The following RNASET2 variants were observed in gnomAD, a reference collection of about 807,000 sequenced individuals.
RNASET2 encodes ribonuclease T2, also known as ribonuclease 6.
A neutral mutation model predicts 33.9 loss-of-function variants in RNASET2; 28 were observed. The observed-to-expected ratio is 0.83, with a 90% CI of 0.61 to 1.13. The LOEUF (loss-of-function observed/expected upper bound fraction) is 1.13. Ranked by LOEUF, RNASET2 falls within the 50% of genes most tolerant of loss-of-function variation. The pLI, the probability that RNASET2 is intolerant of heterozygous loss-of-function variation, is 0.00. For synonymous variants in RNASET2, 123 were observed against 121.0 expected (o/e 1.02, Z -0.11); for missense variants, 330 against 319.9 (o/e 1.03, Z -0.24).
At chr6:166,942,135 C>T (rs1778707838) in intron 5 of RNASET2, among the ~76,000 whole-genome samples, 2 of 149,896 alleles carry the variant, frequency 1.3e-5, no homozygotes, top group South Asian at 4.2e-4. Context: ...TCACTGCAAC[C>T]TCCATCCCCT....
intron 2 of RNASET2, among the ~76,000 whole-genome samples, chr6:166,949,346 C>A (rs868172495): frequency 2.0e-5 from 3 of 150,060 alleles, no homozygotes; most frequent in Non-Finnish European, 3.0e-5. Context: ...ACTAAAAATA[C>A]AAAAATTAGC....
rs1778258690 is a variant in RNASET2 at position 166,923,228 on chromosome 6, C to CTTTTTTTTATTTTTTTT, written c.*6359_*6360insAAAAAAAATAAAAAAAA. ...ACAGGCGTGAGCCACCAGGCCCGGC[C>CTTTTTTTTATTTTTTTT]TTTTTTTTTTTTTTTTTTTTTGAGA... On this transcript the variant is annotated 3_prime_UTR_variant, in exon 9 of 9. Coordinates refer to ENST00000508775, the MANE Select transcript of RNASET2 (RefSeq NM_003730.6). Among the ~76,000 whole-genome samples, 6 of 102,672 alleles carry CTTTTTTTTATTTTTTTT rather than the reference C, an allele frequency of 5.8e-5. No homozygotes were observed. The highest frequency in any genetic ancestry group is 9.2e-5 in the Non-Finnish European group (5 of 54,584). The allele number at this position is 102,672 out of a possible 152,430, so 67.4% of individuals were successfully genotyped here.
chr6:166,953,879 C>CAAAAAAAAAAAAAAAAAAAA (rs548523987), intron 1 of RNASET2, among the ~76,000 whole-genome samples: 5 of 110,732 alleles, frequency 4.5e-5, no homozygotes, highest in African/African-American at 1.6e-4. Flanking sequence ...GACCCTGTCT[C>CAAAAAAAAAAAAAAAAAAAA]AAAAAAAAAA....
intron 6 of RNASET2, among the ~76,000 whole-genome samples, chr6:166,935,400 C>T (rs778348967): frequency 6.6e-6 from 1 of 152,106 alleles, no homozygotes; most frequent in Non-Finnish European, 1.5e-5. Flanking sequence ...TGTTACACGT[C>T]TATTGGGTAG....
chr6:166,932,915 AGGGGGAGTCT>A (rs1778482495), intron 7 of RNASET2: 1 of 152,120 alleles, frequency 6.6e-6, no homozygotes, highest in Non-Finnish European at 1.5e-5. Flanking sequence ...GTTGGGGTTG[AGGGGGAGTCT>A]GGAAAGGGCT....
At chr6:166,942,576 G>C (rs1369643946) in intron 5 of RNASET2, among the ~76,000 whole-genome samples, 7 of 151,850 alleles carry the variant, frequency 4.6e-5, no homozygotes, top group Non-Finnish European at 8.8e-5. Flanking sequence ...TGATCTCCCG[G>C]GACCACAGCC....
intron 1 of RNASET2, among the ~76,000 whole-genome samples, chr6:166,955,229 A>ACGCGCACGCACGCACACACG (rs1424453604): frequency 1.1e-5 from 1 of 89,292 alleles, no homozygotes; most frequent in African/African-American, 6.4e-5. Context: ...ACGCGCACAC[A>ACGCGCACGCACGCACACACG]CGCACGCACG....
intron 7 of RNASET2, chr6:166,931,355 G>C (rs1280312393): frequency 1.8e-6 from 1 of 565,212 alleles, no homozygotes; most frequent in African/African-American, 1.9e-5. Context: ...TTTCCTCTCT[G>C]CTCCTGTTTC....
intron 3 of RNASET2, chr6:166,948,339 C>G: frequency 1.7e-6 from 1 of 595,076 alleles, no homozygotes; most frequent in Non-Finnish European, 3.0e-6. Context: ...GAGTAAGACT[C>G]TGTCTCAGAA....
intron 1 of RNASET2, among the ~76,000 whole-genome samples, chr6:166,955,271 GCGCACACACGACA>G (rs1779103659): frequency 2.3e-5 from 2 of 87,992 alleles, no homozygotes; most frequent in African/African-American, 1.0e-4. Flanking sequence ...ACACACACAC[GCGCACACACGACA>G]CACACGCACA....
intron 2 of RNASET2, among the ~76,000 whole-genome samples, chr6:166,948,939 G>A (rs902419166): frequency 1.3e-5 from 2 of 152,168 alleles, no homozygotes; most frequent in African/African-American, 4.8e-5. Flanking sequence ...TATGGGCCAG[G>A]CGCAGTGACT....
chr6:166,941,171 G>GT (rs1208528554), intron 5 of RNASET2, among the ~76,000 whole-genome samples: 1 of 152,172 alleles, frequency 6.6e-6, no homozygotes, highest in Non-Finnish European at 1.5e-5. Flanking sequence ...TTTAGAACCA[G>GT]TTTTTTAAGT....
intron 1 of RNASET2, among the ~76,000 whole-genome samples, chr6:166,953,879 C>CAAAAAAAAAAAAAAAAAAAAA (rs548523987): frequency 5.7e-4 from 63 of 110,704 alleles, no homozygotes; most frequent in African/African-American, 1.9e-3. Flanking sequence ...GACCCTGTCT[C>CAAAAAAAAAAAAAAAAAAAAA]AAAAAAAAAA....
At chr6:166,934,346 G>T (rs982139597) in intron 6 of RNASET2, 11 of 572,890 alleles carry the variant, frequency 1.9e-5, no homozygotes, top group Admixed American at 5.7e-5. Flanking sequence ...CACACAAACT[G>T]CTCCAGGCAG....
intron 3 of RNASET2, chr6:166,948,328 AGAGTAAGAC>A (rs1409782157): frequency 2.8e-5 from 16 of 566,354 alleles, no homozygotes; most frequent in Middle Eastern, 4.7e-4. Context: ...CCTAGGCAAC[AGAGTAAGAC>A]TCTGTCTCAG....
chr6:166,947,369 A>G (rs1778873660), intron 3 of RNASET2, among the ~76,000 whole-genome samples: 1 of 152,162 alleles, frequency 6.6e-6, no homozygotes, highest in African/African-American at 2.4e-5. Context: ...CTTACTCCAC[A>G]AGGTCACTAA....
rs766632251 is a variant in RNASET2, at chr6:166,934,071, G to A, written c.492+20C>T. On this transcript the variant is annotated intron_variant, in intron 7 of 8. Coordinates refer to ENST00000508775, the MANE Select transcript of RNASET2 (RefSeq NM_003730.6). ...TCCCCGGGAGAGACACACGAGAAAA[G>A]AAGCAAAAGCAAGACTTACTTGGTA... 1.3e-6 allele frequency: 2 copies of A among 1,598,632 alleles called. No homozygotes were observed. The highest frequency in any genetic ancestry group is 4.5e-5 in the East Asian group (2 of 44,824).
Position 166,956,356 on chromosome 6 carries a change from C to T in RNASET2, c.-174G>A. 1.6e-6 allele frequency: 1 copy of T among 628,100 alleles called. No individual in the cohort carries two copies. Among genetic ancestry groups the T allele is most frequent in the Non-Finnish European group, 2.8e-6 (1 of 356,618 alleles). 38.9% of individuals were successfully genotyped at this position (628,100 alleles called of 1,614,324 possible). On this transcript the variant is annotated 5_prime_UTR_variant, in exon 1 of 9. Coordinates refer to ENST00000508775, the MANE Select transcript of RNASET2 (RefSeq NM_003730.6). ...CCCGGAGCCCTGGGACGGCCTAAAC[C>T]AGTATCTCGCGGGCCCCGCGCCGGG... is the stretch of plus-strand genomic sequence containing the variant.
rs114320992 is a variant in RNASET2 at position 166,937,789 on chromosome 6, G to C, written c.446+1106C>G. Among the ~76,000 whole-genome samples the C allele has an allele frequency of 2.6e-4, 40 of 152,276 alleles. No individual in the cohort carries two copies. The South Asian group carries it at 2.9e-3, about 11-fold the overall frequency. On this transcript the variant is annotated intron_variant, in intron 6 of 8. Coordinates refer to ENST00000508775, the MANE Select transcript of RNASET2 (RefSeq NM_003730.6). Reference sequence around the variant, plus strand: ...GATGAAAAGGCACACCTAATGCCACGCGCTCTGGGAGGTGATTTTTAAAGA... The same window carrying C: ...GATGAAAAGGCACACCTAATGCCACCCGCTCTGGGAGGTGATTTTTAAAGA...
Sources: gnomAD v4.1 joint callset for allele counts (sites outside exome capture counted in the v4.1 genomes callset) on GRCh38, gnomAD v4.1.1 for gene constraint, MANE v1.5 for transcripts, NCBI Gene and HGNC (gene_info 2026-07-23, HGNC 2026-07-21) for gene names.